PITPNM3: variants seen among roughly 807,000 people sequenced by gnomAD.
PITPNM3 encodes the protein PITPNM family member 3, also known as membrane-associated phosphatidylinositol transfer protein 3.
PITPNM3 carries 26 observed loss-of-function variants against 102.0 expected under a neutral mutation model. The ratio of observed to expected loss-of-function variants is 0.25; its 90% CI spans 0.19 to 0.35. The LOEUF (loss-of-function observed/expected upper bound fraction) is 0.35, where lower values mean the gene tolerates loss of function less well. PITPNM3 is among the 10% of genes least tolerant of loss of function. The pLI, the probability that PITPNM3 is intolerant of heterozygous loss-of-function variation, is 1.00. For synonymous variants in PITPNM3, 578 were observed against 558.6 expected, an observed-to-expected ratio of 1.03 and a Z score of -0.49; for missense variants, 1,083 against 1,346.1, an observed-to-expected ratio of 0.80 and a Z score of 3.06.
Position 6,451,881 on chromosome 17 carries a change from C to G in PITPNM3, c.*3457G>C, listed in dbSNP as rs1267265574. 2 of 37,110 alleles carry G rather than the reference C, an allele frequency of 5.4e-5. No homozygotes were observed. The highest frequency in any genetic ancestry group is 3.0e-4 in the Admixed American group (1 of 3,332). 2.3% of individuals were successfully genotyped at this position (37,110 alleles called of 1,614,324 possible). On this transcript the variant is annotated 3_prime_UTR_variant, in exon 20 of 20. Coordinates refer to ENST00000262483, the MANE Select transcript of PITPNM3 (RefSeq NM_031220.4). ...GGGCACTTGGCACCCAAACCCCCCC[C>G]CCCCGCCCGCCGATGGGATTCGGTG...
chr17:6,549,393 C>T lies in PITPNM3; in HGVS notation c.22+6992G>A, dbSNP rs374836975. Among the ~76,000 whole-genome samples, 37 of 152,376 alleles carry T rather than the reference C, an allele frequency of 2.4e-4. No homozygotes were observed. In the South Asian group the frequency reaches 4.1e-3, roughly 17 times the overall value. On this transcript the variant is annotated intron_variant, in intron 1 of 19. Transcript: ENST00000262483. ...CCAATCTGAGCTGTGGCCCCATGAA[C>T]GTGTGAGCCTCACAAATCCAGCCCT...
chr17:6,504,882 T>C (rs1397258368), intron 3 of PITPNM3, among the ~76,000 whole-genome samples: 1 of 152,110 alleles, frequency 6.6e-6, no homozygotes, highest in Non-Finnish European at 1.5e-5. Flanking sequence ...ATGATTAATA[T>C]ATGTAAAGCC....
intron 1 of PITPNM3, among the ~76,000 whole-genome samples, chr17:6,541,535 G>A (rs768610051): frequency 6.6e-6 from 1 of 152,056 alleles, no homozygotes; most frequent in Admixed American, 6.6e-5. Flanking sequence ...TGTCATGGAC[G>A]GAAGCTTGGA....
rs1247151037 is a variant in PITPNM3 at position 6,478,727 on chromosome 17, G to T, written c.597C>A (p.Pro199=). The T allele has an allele frequency of 1.9e-6, 3 of 1,576,520 alleles. No homozygotes were observed. The Admixed American group carries it at 5.6e-5, about 30-fold the overall frequency. ...EAFSLVSHLN[P]YSHDEGCLSS... ...TGAGGCAGCCCTCATCGTGGCTGTA[G>T]GGGTTCAGGCTGCAGACAGGGGGCC... The change falls in exon 7 of 20, where the codon CCC becomes CCA. Residue 199 remains proline, a synonymous_variant. Transcript: ENST00000262483. The surrounding 1 kb of genome is among the most constrained non-coding windows in gnomAD (Gnocchi z 4.4).
chr17:6,553,749 G>C (rs1867273), intron 1 of PITPNM3, among the ~76,000 whole-genome samples: 1 of 151,348 alleles, frequency 6.6e-6, no homozygotes, highest in African/African-American at 2.4e-5. Context: ...ACCCCCCGCC[G>C]CCCCACCCCG....
chr17:6,548,525 G>A (rs1254194189), intron 1 of PITPNM3, among the ~76,000 whole-genome samples: 1 of 152,110 alleles, frequency 6.6e-6, no homozygotes, highest in African/African-American at 2.4e-5. Flanking sequence ...GGAACCCACA[G>A]GGGCGACATC....
At chr17:6,463,927 G>A (rs200675556) in intron 16 of PITPNM3, 46 bp from the exon 17 acceptor site, 29 of 1,609,274 alleles carry the variant, frequency 1.8e-5, no homozygotes, top group Middle Eastern at 1.7e-4. Flanking sequence ...AGGGTCAGAC[G>A]TTAGCCGGAA....
rs56202638 is a variant in PITPNM3 at position 6,458,622 on chromosome 17, C to T, written c.2491-900G>A. Among the ~76,000 whole-genome samples, 53,724 of 152,008 alleles carry T rather than the reference C, an allele frequency of 0.35. 9,879 individuals carry two copies. Among genetic ancestry groups the T allele is most frequent in the East Asian group, 0.58 (2,957 of 5,132 alleles). On this transcript the variant is annotated intron_variant, in intron 18 of 19. Transcript: ENST00000262483. This position sits in a 1 kb window ranked among gnomAD's most constrained non-coding sequence, Gnocchi z 5.1. The stretch of plus-strand genomic sequence containing the variant: ...CCGCTCAGGGCTTCTGCCCCCTCCC[C>T]ACCACTTCTCCGCCAGCCCCCACCT...
At chr17:6,461,735 T>C (rs111985867) in intron 17 of PITPNM3, among the ~76,000 whole-genome samples, 179 bp from the exon 18 acceptor site, 4,086 of 152,266 alleles carry the variant, frequency 0.027, 183 homozygotes, top group African/African-American at 0.092. Flanking sequence ...ACATCTCCCC[T>C]GGATCAGGCC....
At chr17:6,479,045 A>G in intron 6 of PITPNM3, 1 of 377,882 alleles carries the variant, frequency 2.6e-6, no homozygotes, top group Non-Finnish European at 4.9e-6. Flanking sequence ...CACCCCAATC[A>G]TAGAGGAAGA....
chr17:6,516,564 A>AG (rs72392480), intron 3 of PITPNM3, among the ~76,000 whole-genome samples: 6 of 15,020 alleles, frequency 4.0e-4, no homozygotes, highest in Middle Eastern at 0.05. Context: ...ACTCCGCCTC[A>AG]AAAAAAAAAA....
chr17:6,492,524 G>A (rs955955971), intron 4 of PITPNM3, among the ~76,000 whole-genome samples: 1 of 152,144 alleles, frequency 6.6e-6, no homozygotes, highest in African/African-American at 2.4e-5. Context: ...AATAAATGTG[G>A]AACATGATGA....
In PITPNM3 at chr17:6,483,627, G is replaced by C. The variant is rs34897053; in HGVS notation, c.477C>G (p.Ser159=). Residue 159 remains serine, a synonymous_variant, in exon 6 of 20, where the codon TCC becomes TCG. Transcript: ENST00000262483. The part of the protein sequence containing the change: ...CKAADIHTFS[S]VLEKVTRAHF... ...GGGCTCGTGTGACCTTCTCCAGCAC[G>C]GAGCTGAAGGTGTGGATGTCGGCTG... The C allele has an allele frequency of 1.9e-6, 3 of 1,613,958 alleles. No individual in the cohort carries two copies. The highest frequency in any genetic ancestry group is 2.5e-6 in the Non-Finnish European group (3 of 1,180,038).
At position 6,458,364 on chromosome 17, in the gene PITPNM3, T is replaced by G. The variant is rs1312462049; in HGVS notation, c.2491-642A>C. Among the ~76,000 whole-genome samples, 1 of 152,080 alleles carries G rather than the reference T, an allele frequency of 6.6e-6. No homozygotes were observed. The highest frequency in any genetic ancestry group is 6.5e-5 in the Admixed American group (1 of 15,270). On this transcript the variant is annotated intron_variant, in intron 18 of 19. Transcript: ENST00000262483. The surrounding 1 kb of genome is among the most constrained non-coding windows in gnomAD (Gnocchi z 5.1). ...GCCTCCTGTCACTGTCATCTTCTTT[T>G]TCTCCCACTCACACTCCTCTCAAGC...
At chr17:6,493,406 C>A (rs1906613347) in intron 4 of PITPNM3, among the ~76,000 whole-genome samples, 1 of 152,182 alleles carries the variant, frequency 6.6e-6, no homozygotes, top group Non-Finnish European at 1.5e-5. Flanking sequence ...GTCAAGGGAG[C>A]AGAGGGCAAA....
At chr17:6,467,558 G>A (rs1342172871) in intron 14 of PITPNM3, among the ~76,000 whole-genome samples, 1 of 152,166 alleles carries the variant, frequency 6.6e-6, no homozygotes, top group African/African-American at 2.4e-5. Flanking sequence ...ATGAAGGATT[G>A]ATCTCCTTCT....
chr17:6,465,398 C>T (rs1365098715), intron 14 of PITPNM3, among the ~76,000 whole-genome samples: 5 of 152,252 alleles, frequency 3.3e-5, no homozygotes, highest in African/African-American at 1.2e-4. Context: ...GCCTCACAGC[C>T]TGTGCTTATC....
At chr17:6,499,791 C>T (rs545293995) in intron 4 of PITPNM3, among the ~76,000 whole-genome samples, 59 of 152,164 alleles carry the variant, frequency 3.9e-4, no homozygotes, top group African/African-American at 1.3e-3. Flanking sequence ...AGTGCAGTGG[C>T]ACAATCTCGG....
intron 4 of PITPNM3, among the ~76,000 whole-genome samples, chr17:6,490,006 CA>C (rs371040560): frequency 4.2e-4 from 61 of 145,402 alleles, no homozygotes; most frequent in African/African-American, 1.1e-3. Context: ...GACTCCATCT[CA>C]AAAAAAAAAA....
Sources: gnomAD v4.1 joint callset for allele counts (sites outside exome capture counted in the v4.1 genomes callset) on GRCh38, gnomAD v4.1.1 for gene constraint, Gnocchi (gnomAD v3.1) non-coding constraint, MANE v1.5 for transcripts, NCBI Gene and HGNC (gene_info 2026-07-23, HGNC 2026-07-21) for gene names.